The following FBLN5 variants were observed in gnomAD, a reference collection of about 807,000 sequenced individuals.
FBLN5 encodes the protein fibulin-5.
Under a neutral mutation model 61.6 loss-of-function variants are expected in FBLN5, and 24 were observed. That is an observed-to-expected ratio of 0.39 (90% CI 0.28 to 0.55). FBLN5 has a LOEUF of 0.55. Among genes scored for constraint, FBLN5 ranks in the 20% least tolerant of loss-of-function variants. The pLI, the probability that FBLN5 is intolerant of heterozygous loss-of-function variation, is 0.65. For synonymous variants in FBLN5, 213 were observed against 219.8 expected (o/e 0.97, Z 0.27); for missense variants, 470 against 594.1 (o/e 0.79, Z 2.17).
chr14:91,906,711 G>T (rs941882821), intron 4 of FBLN5, among the ~76,000 whole-genome samples: 2 of 152,240 alleles, frequency 1.3e-5, no homozygotes, highest in Non-Finnish European at 2.9e-5. Flanking sequence ...GGAAGGCAGG[G>T]AGGCGAGGGA....
At chr14:91,919,620 A>T (rs1024342012) in intron 4 of FBLN5, among the ~76,000 whole-genome samples, 1 of 152,250 alleles carries the variant, frequency 6.6e-6, no homozygotes, top group Non-Finnish European at 1.5e-5. Context: ...TGAGCCCGTT[A>T]TAGCGGGCCC....
intron 4 of FBLN5, among the ~76,000 whole-genome samples, chr14:91,908,577 C>A (rs971004278): frequency 7.2e-5 from 11 of 152,240 alleles, no homozygotes; most frequent in African/African-American, 2.4e-4. Flanking sequence ...GGAGACAAGT[C>A]AATAAATATT....
chr14:91,925,813 C>T (rs1379448003), intron 4 of FBLN5, among the ~76,000 whole-genome samples: 2 of 152,230 alleles, frequency 1.3e-5, no homozygotes, highest in African/African-American at 2.4e-5. Flanking sequence ...TGGTACCCAG[C>T]GTCTTGCTGG....
chr14:91,942,307 G>A (rs909217737), intron 2 of FBLN5: 3 of 389,062 alleles, frequency 7.7e-6, no homozygotes, highest in South Asian at 3.7e-5. Context: ...CCTAGGTTTG[G>A]AGCTGAATTA....
At chr14:91,879,111 T>C (rs1208052155) in intron 9 of FBLN5, among the ~76,000 whole-genome samples, 1 of 152,212 alleles carries the variant, frequency 6.6e-6, no homozygotes, top group Non-Finnish European at 1.5e-5. Context: ...CAAGTCAAAA[T>C]GTCTCTAGTG....
intron 4 of FBLN5, among the ~76,000 whole-genome samples, chr14:91,907,397 C>T (rs1233543642): frequency 1.3e-5 from 2 of 152,180 alleles, no homozygotes; most frequent in Non-Finnish European, 2.9e-5. Context: ...TCTCTCCTAT[C>T]TAAACCAGCG....
At chr14:91,932,599 C>T (rs1468428892) in intron 4 of FBLN5, among the ~76,000 whole-genome samples, 1 of 152,176 alleles carries the variant, frequency 6.6e-6, no homozygotes, top group Non-Finnish European at 1.5e-5. Context: ...GAAATCAGTG[C>T]ATGAAGAGGG....
At position 91,943,352 on chromosome 14, in the gene FBLN5, A is replaced by T. The variant is rs78470618; in HGVS notation, c.18-391T>A. Reference sequence around the variant, plus strand: ...GGTGAAACCCCATTTCTACAAAATTAAAAAAAAAATTAACTGGGCATGATA... The same window carrying T: ...GGTGAAACCCCATTTCTACAAAATTTAAAAAAAAATTAACTGGGCATGATA... On this transcript the variant is annotated intron_variant, in intron 1 of 10. Coordinates refer to ENST00000342058, the MANE Select transcript of FBLN5 (RefSeq NM_006329.4). The surrounding 1 kb of genome is among the most constrained non-coding windows in gnomAD (Gnocchi z 4.0). Among the ~76,000 whole-genome samples, 2,004 of 150,376 alleles carry T rather than the reference A, an allele frequency of 0.013. 30 individuals are homozygous for T. Among genetic ancestry groups the T allele is most frequent in the African/African-American group, 0.039 (1,595 of 41,024 alleles).
chr14:91,936,072 C>A (rs1272551082), intron 4 of FBLN5, among the ~76,000 whole-genome samples: 1 of 152,130 alleles, frequency 6.6e-6, no homozygotes, highest in Non-Finnish European at 1.5e-5. Context: ...ACACAGCTTC[C>A]CTAATAGTGG....
chr14:91,905,203 TC>T lies in FBLN5; in HGVS notation c.380-10132del. 2.0e-5 allele frequency among the ~76,000 whole-genome samples: 3 copies of T among 152,170 alleles called. 1 individual carries two copies. The highest frequency in any genetic ancestry group is 7.2e-5 in the African/African-American group (3 of 41,522). ...GCAGTGAGAAGACCCTGCCACCACT[TC>T]CGATCCCATCACAACTCACCAGGGT... On this transcript the variant is annotated intron_variant, in intron 4 of 10. Coordinates refer to ENST00000342058, the MANE Select transcript of FBLN5 (RefSeq NM_006329.4).
intron 4 of FBLN5, among the ~76,000 whole-genome samples, chr14:91,900,181 T>C (rs1890394956): frequency 6.6e-6 from 1 of 152,204 alleles, no homozygotes; most frequent in Non-Finnish European, 1.5e-5. Flanking sequence ...CACTTTTCTA[T>C]CCCATATAAA....
chr14:91,931,168 G>A (rs1435547412), intron 4 of FBLN5, among the ~76,000 whole-genome samples: 7 of 152,218 alleles, frequency 4.6e-5, no homozygotes, highest in Non-Finnish European at 7.3e-5. Context: ...CTCAAAGCCT[G>A]TCTGACTTCC....
intron 4 of FBLN5, among the ~76,000 whole-genome samples, chr14:91,910,831 G>T (rs928128135): frequency 3.9e-5 from 6 of 152,076 alleles, no homozygotes; most frequent in Non-Finnish European, 8.8e-5. Context: ...GGGGAGGCAG[G>T]GAAGGAAAGA....
At chr14:91,895,125 G>T in intron 4 of FBLN5, 53 bp from the exon 5 acceptor site, 1 of 1,610,152 alleles carries the variant, frequency 6.2e-7, no homozygotes, top group Non-Finnish European at 8.5e-7. Flanking sequence ...CTAGAGCCCT[G>T]GAGCCACCAG....
chr14:91,870,562 T>C lies in FBLN5; in HGVS notation c.1186-177A>G, dbSNP rs568310043. Reference sequence around the variant, plus strand: ...CACCTGGTTCTTTTCTGCAAACCCTTCAGGTCTCATCTGAAAGGTCACTTC... The same window carrying C: ...CACCTGGTTCTTTTCTGCAAACCCTCCAGGTCTCATCTGAAAGGTCACTTC... On this transcript the variant is annotated intron_variant, in intron 10 of 10. Transcript: ENST00000342058. Among the ~76,000 whole-genome samples the C allele has an allele frequency of 2.6e-5, 4 of 152,370 alleles. No homozygotes were observed. The South Asian group carries it at 8.3e-4, about 32-fold the overall frequency.
At chr14:91,889,885 C>T (rs538528883) in intron 6 of FBLN5, among the ~76,000 whole-genome samples, 7 of 152,338 alleles carry the variant, frequency 4.6e-5, no homozygotes, top group South Asian at 2.1e-4. Flanking sequence ...GCCTGAAAGA[C>T]GCAGGCACCT....
intron 9 of FBLN5, among the ~76,000 whole-genome samples, chr14:91,879,828 G>A (rs1889336063): frequency 6.6e-6 from 1 of 152,234 alleles, no homozygotes; most frequent in Admixed American, 6.5e-5. Flanking sequence ...CTTAGAGGCT[G>A]TATTCCGAGA....
intron 10 of FBLN5, among the ~76,000 whole-genome samples, chr14:91,872,613 G>A (rs1383099255): frequency 6.6e-6 from 1 of 152,202 alleles, no homozygotes; most frequent in African/African-American, 2.4e-5. Context: ...ACAGGTGCAG[G>A]CCAGGCGCTG....
intron 9 of FBLN5, 71 bp downstream of exon 9, chr14:91,881,221 C>T (rs1212767804): frequency 1.3e-6 from 2 of 1,590,458 alleles, no homozygotes; most frequent in East Asian, 2.2e-5. Flanking sequence ...CTCTCTTTCA[C>T]ACCACACCTC....
Sources: gnomAD v4.1 joint callset for allele counts (sites outside exome capture counted in the v4.1 genomes callset) on GRCh38, gnomAD v4.1.1 for gene constraint, Gnocchi (gnomAD v3.1) non-coding constraint, MANE v1.5 for transcripts, NCBI Gene and HGNC (gene_info 2026-07-23, HGNC 2026-07-21) for gene names.